The following PRKCI variants were observed in gnomAD, a reference collection of about 807,000 sequenced individuals.
PRKCI encodes protein kinase C iota type.
In PRKCI, 43 loss-of-function variants were observed where a neutral mutation model predicts 84.0. That is an observed-to-expected ratio of 0.51 (90% CI 0.40 to 0.66). PRKCI has a LOEUF of 0.66. Ranked by LOEUF, PRKCI falls within the 30% of genes least tolerant of loss-of-function variation. The probability of loss-of-function intolerance (pLI) is 0.00; values close to 1 mark genes in which losing one functional copy is unlikely to be tolerated. For missense variants in PRKCI, 459 were observed against 745.6 expected (o/e 0.62, Z 4.48); for synonymous variants, 216 against 234.4 (o/e 0.92, Z 0.72).
intron 1 of PRKCI, among the ~76,000 whole-genome samples, chr3:170,226,930 A>G (rs73034308): frequency 0.019 from 2,918 of 152,164 alleles, 88 homozygotes; most frequent in African/African-American, 0.067. Flanking sequence ...AACACAAAAA[A>G]CCCTCAGAAA....
At chr3:170,231,063 G>A (rs1476168185) in intron 1 of PRKCI, among the ~76,000 whole-genome samples, 1 of 150,438 alleles carries the variant, frequency 6.6e-6, no homozygotes, top group Non-Finnish European at 1.5e-5. Context: ...AGGTTCAAGC[G>A]ATTCTCCAGT....
chr3:170,262,041 G>A (rs1407870841), intron 3 of PRKCI, among the ~76,000 whole-genome samples: 2 of 152,142 alleles, frequency 1.3e-5, no homozygotes, highest in Non-Finnish European at 2.9e-5. Context: ...TATGCATTAG[G>A]AACTGTGCTT....
At chr3:170,244,030 A>C (rs1012384487) in intron 2 of PRKCI, among the ~76,000 whole-genome samples, 1 of 152,250 alleles carries the variant, frequency 6.6e-6, no homozygotes, top group Non-Finnish European at 1.5e-5. Context: ...TCTGCTATTC[A>C]TCGCTGGTTC....
At chr3:170,223,241 G>A (rs1409868628) in intron 1 of PRKCI, among the ~76,000 whole-genome samples, 1 of 152,198 alleles carries the variant, frequency 6.6e-6, no homozygotes, top group Non-Finnish European at 1.5e-5. Context: ...GGTTCTCTGA[G>A]ATATACCTCC....
chr3:170,244,559 A>G (rs1733221267), intron 2 of PRKCI, among the ~76,000 whole-genome samples: 1 of 152,076 alleles, frequency 6.6e-6, no homozygotes, highest in African/African-American at 2.4e-5. Flanking sequence ...GTGTTTTTGT[A>G]GCAAATTGTT....
chr3:170,281,088 C>T (rs1044617244), intron 9 of PRKCI, 78 bp from the exon 10 acceptor site: 13 of 1,168,526 alleles, frequency 1.1e-5, no homozygotes, highest in Non-Finnish European at 1.6e-5. Flanking sequence ...GCATTTGTGA[C>T]CATTGAATTG....
At chr3:170,264,013 A>G (rs1317606404) in intron 4 of PRKCI, among the ~76,000 whole-genome samples, 1 of 152,226 alleles carries the variant, frequency 6.6e-6, no homozygotes, top group Non-Finnish European at 1.5e-5. Context: ...GAAATGTTCA[A>G]ACCTATACAG....
At chr3:170,295,837 C>T in intron 14 of PRKCI, 74 bp from the exon 15 acceptor site, 2 of 879,518 alleles carry the variant, frequency 2.3e-6, no homozygotes, top group Non-Finnish European at 3.3e-6. Context: ...AGAACAAGCC[C>T]CTTTCAAAAA....
chr3:170,305,823 T>C lies in PRKCI; in HGVS notation c.*2696T>C, dbSNP rs1444653674. ...TGCATATGCAGCCTGGATTGGATGTTAAGTAAATGCTTGTTCAGTGCCGGT... is the reference window on the plus strand; with the variant it reads ...TGCATATGCAGCCTGGATTGGATGTCAAGTAAATGCTTGTTCAGTGCCGGT... On this transcript the variant is annotated 3_prime_UTR_variant, in exon 18 of 18. Coordinates refer to ENST00000295797, the MANE Select transcript of PRKCI (RefSeq NM_002740.6). 2 of 152,202 alleles carry C rather than the reference T, an allele frequency of 1.3e-5. No homozygotes were observed. Among genetic ancestry groups the C allele is most frequent in the Non-Finnish European group, 2.9e-5 (2 of 68,028 alleles). The allele number at this position is 152,202 out of a possible 1,614,324, so 9.4% of individuals were successfully genotyped here.
intron 1 of PRKCI, among the ~76,000 whole-genome samples, chr3:170,229,350 G>C (rs575406249): frequency 3.3e-5 from 5 of 152,152 alleles, no homozygotes; most frequent in Non-Finnish European, 7.3e-5. Context: ...GTCTGATTCT[G>C]TTGCCTACGC....
chr3:170,239,560 C>T (rs949848146), intron 2 of PRKCI, among the ~76,000 whole-genome samples: 6 of 152,076 alleles, frequency 3.9e-5, no homozygotes, highest in African/African-American at 7.2e-5. Context: ...AGCGATAGTC[C>T]ATTAAACGTT....
chr3:170,281,059 T>C (rs978771043), intron 9 of PRKCI, 107 bp from the exon 10 acceptor site: 2 of 818,708 alleles, frequency 2.4e-6, no homozygotes, highest in East Asian at 2.6e-5. Flanking sequence ...GGTTTTGATA[T>C]TTAGCCTAGT....
intron 5 of PRKCI, among the ~76,000 whole-genome samples, chr3:170,268,766 A>C (rs1467048049): frequency 1.3e-5 from 2 of 152,176 alleles, no homozygotes; most frequent in Non-Finnish European, 2.9e-5. Context: ...ACCCTGTAAG[A>C]TAGGTACTAT....
intron 4 of PRKCI, among the ~76,000 whole-genome samples, chr3:170,266,262 A>T (rs1347496810): frequency 6.6e-6 from 1 of 152,226 alleles, no homozygotes; most frequent in Non-Finnish European, 1.5e-5. Context: ...GGGGAAAAAG[A>T]TATGCTTCTG....
intron 2 of PRKCI, among the ~76,000 whole-genome samples, chr3:170,245,202 T>G (rs575760378): frequency 6.6e-6 from 1 of 152,234 alleles, no homozygotes; most frequent in South Asian, 2.1e-4. Context: ...AGTCCCAACA[T>G]GGGAATGCCC....
At chr3:170,253,745 C>G (rs889133017) in intron 2 of PRKCI, among the ~76,000 whole-genome samples, 3 of 151,514 alleles carry the variant, frequency 2.0e-5, no homozygotes, top group East Asian at 1.9e-4. Context: ...GAGCCGAGAT[C>G]GTGCCACTGC....
intron 2 of PRKCI, among the ~76,000 whole-genome samples, chr3:170,246,353 A>G (rs1733285238): frequency 6.6e-6 from 1 of 152,068 alleles, no homozygotes; most frequent in East Asian, 1.9e-4. Context: ...GGGTTTTGCC[A>G]TGTTGGCCAG....
intron 12 of PRKCI, among the ~76,000 whole-genome samples, chr3:170,285,140 C>T (rs1734345153): frequency 6.8e-6 from 1 of 146,212 alleles, no homozygotes; most frequent in Non-Finnish European, 1.5e-5. Flanking sequence ...AGTGCAGTGG[C>T]GCAATCTCGG....
intron 2 of PRKCI, among the ~76,000 whole-genome samples, chr3:170,235,904 A>T (rs569884377): frequency 4.6e-4 from 70 of 151,756 alleles, no homozygotes; most frequent in Non-Finnish European, 9.3e-4. Flanking sequence ...CATCTCATCA[A>T]ATAGTGTGAT....
Sources: allele counts gnomAD v4.1 joint callset (sites outside exome capture counted in the v4.1 genomes callset), GRCh38; gene constraint gnomAD v4.1.1; transcripts MANE v1.5; gene names NCBI Gene and HGNC (gene_info 2026-07-23, HGNC 2026-07-21).